CUX1: variants seen among roughly 807,000 people sequenced by gnomAD.
CUX1 encodes protein CASP.
CUX1 carries 31 observed loss-of-function variants against 158.8 expected under a neutral mutation model. The ratio of observed to expected loss-of-function variants is 0.20; its 90% confidence interval spans 0.15 to 0.26. The LOEUF is 0.26. CUX1 is among the 10% of genes least tolerant of loss of function. The pLI, the probability that CUX1 is intolerant of heterozygous loss-of-function variation, is 1.00. For synonymous variants in CUX1, 879 were observed against 862.1 expected (o/e 1.02, Z -0.34); for missense variants, 1,589 against 2,014.6 (o/e 0.79, Z 4.04).
intron 2 of CUX1, among the ~76,000 whole-genome samples, chr7:101,936,722 C>T (rs1349016252): frequency 6.6e-6 from 1 of 152,092 alleles, no homozygotes; most frequent in African/African-American, 2.4e-5. Flanking sequence ...CCAGCCCTGC[C>T]ATCCCCACCG....
intron 8 of CUX1, among the ~76,000 whole-genome samples, chr7:102,131,385 G>A (rs1554497118): frequency 6.6e-6 from 1 of 151,994 alleles, no homozygotes; most frequent in African/African-American, 2.4e-5. Flanking sequence ...CAGGTGCAGT[G>A]GCTCACGCCT....
downstream of CUX1, among the ~76,000 whole-genome samples, chr7:102,259,982 C>T (rs1415648900): frequency 1.3e-5 from 2 of 151,738 alleles, no homozygotes; most frequent in African/African-American, 4.8e-5. Flanking sequence ...GTAGTCCTAG[C>T]TACTCTGGAG....
At chr7:101,864,162 T>C (rs1036204712) in intron 1 of CUX1, among the ~76,000 whole-genome samples, 1 of 151,880 alleles carries the variant, frequency 6.6e-6, no homozygotes, top group African/African-American at 2.4e-5. Flanking sequence ...ATTTTCTGGA[T>C]TGTTTTTTTT....
intron 1 of CUX1, among the ~76,000 whole-genome samples, chr7:101,839,469 G>A (rs927532707): frequency 6.6e-5 from 10 of 152,192 alleles, no homozygotes; most frequent in African/African-American, 1.9e-4. Context: ...ACCCACAGTC[G>A]TGAGAGTTTC....
At position 102,249,906 on chromosome 7, in the gene CUX1, G is replaced by C. The variant is rs1341856690; in HGVS notation, c.*864G>C. 29 of 985,802 alleles carry C rather than the reference G, an allele frequency of 2.9e-5. No individual in the cohort carries two copies. The highest frequency in any genetic ancestry group is 3.5e-5 in the Non-Finnish European group (29 of 829,916). 61.1% of individuals were successfully genotyped at this position (985,802 alleles called of 1,614,324 possible). A position where few individuals can be genotyped will look rare whatever the true frequency, so the allele number is the denominator to read the frequency against. On this transcript the variant is annotated 3_prime_UTR_variant, in exon 24 of 24. Transcript: ENST00000292535. ...CGTCACATCAGGAAACTCTGATTTT[G>C]TGGTAGCTGACATAGTGTTTTCTTG... is the stretch of plus-strand genomic sequence containing the variant.
At chr7:102,231,325 C>T (rs1156527385) in intron 21 of CUX1, among the ~76,000 whole-genome samples, 1 of 109,170 alleles carries the variant, frequency 9.2e-6, no homozygotes, top group Non-Finnish European at 1.9e-5. Context: ...CCACTGCGCC[C>T]AGCCTTTTTT....
chr7:101,944,236 G>A lies in CUX1; in HGVS notation c.141+28011G>A, dbSNP rs1399270942. 2.6e-5 allele frequency among the ~76,000 whole-genome samples: 4 copies of A among 152,118 alleles called. No individual in the cohort carries two copies. In the East Asian group the frequency reaches 7.7e-4, roughly 29 times the overall value. ...TTGCAGGGGGTAGTTGTGTCCAAGA[G>A]TCCTGCAGGATGGAGTGGGAAGGGG... is the stretch of plus-strand genomic sequence containing the variant. On this transcript the variant is annotated intron_variant, in intron 2 of 23. Coordinates refer to ENST00000292535, the MANE Select transcript of CUX1 (RefSeq NM_181552.4).
At chr7:102,204,690 G>A (rs1209467642) in intron 19 of CUX1, 134 bp downstream of exon 19, 22 of 1,169,322 alleles carry the variant, frequency 1.9e-5, no homozygotes, top group African/African-American at 1.2e-4. Flanking sequence ...ACTCCCCACC[G>A]TGGGCTGGTG....
At chr7:102,279,955 A>C (rs1791930472) in intron 18 of CUX1, 1 of 883,346 alleles carries the variant, frequency 1.1e-6, no homozygotes, top group South Asian at 1.4e-5. Context: ...CAGATGAGGA[A>C]ACTGAGGCTC....
Position 102,197,160 on chromosome 7 carries a change from A to G in CUX1, c.1749A>G (p.Gln583=). The part of the protein sequence containing the change: ...IFGHYVLGLS[Q]GSVSEILARP... The stretch of plus-strand genomic sequence containing the variant: ...GACATTATGTGTTGGGACTGTCTCA[A>G]GGGTCCGTGAGCGAGATTCTGGCCC... Residue 583 remains glutamine (Q), a synonymous_variant, in exon 15 of 24, where the codon CAA becomes CAG. Coordinates refer to ENST00000292535, the MANE Select transcript of CUX1 (RefSeq NM_181552.4). 1 of 1,614,246 alleles carries G rather than the reference A, an allele frequency of 6.2e-7. No homozygotes were observed. Among genetic ancestry groups the G allele is most frequent in the Non-Finnish European group, 8.5e-7 (1 of 1,180,056 alleles).
chr7:102,230,322 A>AAT (rs1563452609), intron 21 of CUX1, among the ~76,000 whole-genome samples: 4 of 151,576 alleles, frequency 2.6e-5, no homozygotes, highest in African/African-American at 4.8e-5. Flanking sequence ...CAAAAAAAAA[A>AAT]TTTTTTAAAA....
chr7:102,195,539 G>A lies in CUX1; in HGVS notation c.1158G>A (p.Leu386=). The change falls in exon 14 of 24, where the codon CTG becomes CTA. Residue 386 remains leucine, a synonymous_variant. Coordinates refer to ENST00000292535, the MANE Select transcript of CUX1 (RefSeq NM_181552.4). Reference sequence around the variant, plus strand: ...CCAAGCCCCTGGAGGTGCTGTTGCTGGAGAAGAACCGCTCGCTGCAGTCCG... The same window carrying A: ...CCAAGCCCCTGGAGGTGCTGTTGCTAGAGAAGAACCGCTCGCTGCAGTCCG... ...DAAKPLEVLL[L]EKNRSLQSEN... is the part of the protein sequence containing the mutation. The A allele has an allele frequency of 6.2e-7, 1 of 1,613,026 alleles. No homozygotes were observed. The highest frequency in any genetic ancestry group is 8.5e-7 in the Non-Finnish European group (1 of 1,179,876).
chr7:102,257,397 C>T lies in CUX1; in HGVS notation c.*8355C>T, dbSNP rs1478521128. 3.0e-6 allele frequency: 3 copies of T among 984,616 alleles called. No homozygotes were observed. Among genetic ancestry groups the T allele is most frequent in the East Asian group, 1.1e-4 (1 of 8,808 alleles). 61.0% of individuals were successfully genotyped at this position (984,616 alleles called of 1,614,324 possible). ...TTCCCTTGAGAAAACGGGCATCTCA[C>T]GTACCCCCATCTGAGACCTCTTGGA... On this transcript the variant is annotated 3_prime_UTR_variant, in exon 24 of 24. Transcript: ENST00000292535.
At chr7:101,935,394 A>AT (rs1806796352) in intron 2 of CUX1, among the ~76,000 whole-genome samples, 1 of 152,170 alleles carries the variant, frequency 6.6e-6, no homozygotes, top group Admixed American at 6.5e-5. Context: ...TATTGCTCAC[A>AT]CAAAGCCTGT....
intron 2 of CUX1, among the ~76,000 whole-genome samples, chr7:101,979,408 G>A (rs1813128224): frequency 6.6e-6 from 1 of 152,240 alleles, no homozygotes; most frequent in South Asian, 2.1e-4. Context: ...ATGGAAAATG[G>A]ATGTGATGAG....
intron 9 of CUX1, among the ~76,000 whole-genome samples, chr7:102,167,480 AAC>A (rs1186665337): frequency 6.6e-6 from 1 of 152,128 alleles, no homozygotes; most frequent in African/African-American, 2.4e-5. Flanking sequence ...GCCGTTCCAG[AAC>A]ACTTCAGAGC....
Position 102,258,039 on chromosome 7 carries a change from G to A in CUX1, c.*8997G>A. The A allele has an allele frequency of 5.1e-6, 5 of 985,086 alleles. No individual in the cohort carries two copies. Among genetic ancestry groups the A allele is most frequent in the Non-Finnish European group, 6.0e-6 (5 of 829,896 alleles). 61.0% of individuals were successfully genotyped at this position (985,086 alleles called of 1,614,324 possible). On this transcript the variant is annotated 3_prime_UTR_variant, in exon 24 of 24. Coordinates refer to ENST00000292535, the MANE Select transcript of CUX1 (RefSeq NM_181552.4). ...GTTGACCTGGCTGGCGTGGGGGTGGGGGAGGCACCCGTCGGCCCCTTGGTG... is the reference window on the plus strand; with the variant it reads ...GTTGACCTGGCTGGCGTGGGGGTGGAGGAGGCACCCGTCGGCCCCTTGGTG...
intron 8 of CUX1, among the ~76,000 whole-genome samples, chr7:102,156,852 G>A (rs1329462224): frequency 6.6e-6 from 1 of 152,184 alleles, no homozygotes; most frequent in Non-Finnish European, 1.5e-5. Context: ...AGGGATATAG[G>A]GCAAAAGGGA....
At chr7:102,269,250 T>C (rs1485772779) in intron 14 of CUX1, among the ~76,000 whole-genome samples, 1 of 151,658 alleles carries the variant, frequency 6.6e-6, no homozygotes, top group African/African-American at 2.4e-5. Context: ...GCTGGAATTA[T>C]AGGCAAGAGC....
Sources: allele counts gnomAD v4.1 joint callset (sites outside exome capture counted in the v4.1 genomes callset), GRCh38; gene constraint gnomAD v4.1.1; transcripts MANE v1.5; gene names NCBI Gene and HGNC (gene_info 2026-07-23, HGNC 2026-07-21).